AVEN: variants seen among roughly 807,000 people sequenced by gnomAD.
The protein encoded by AVEN is cell death regulator Aven.
Under a neutral mutation model 38.1 loss-of-function variants are expected in AVEN, and 41 were observed. The observed-to-expected ratio is 1.08, with a 90% CI of 0.84 to 1.40. AVEN has a LOEUF of 1.40. AVEN is among the 40% of genes most tolerant of loss of function. AVEN has a pLI of 0.00. For missense variants in AVEN, 605 were observed against 438.8 expected, an observed-to-expected ratio of 1.38 and a Z score of -3.38; for synonymous variants, 206 against 171.8, an observed-to-expected ratio of 1.20 and a Z score of -1.56.
rs144031292 is a variant in AVEN, at chr15:33,914,330, G to A, written c.446-38335C>T. ...CTGTGATTAAAACAGTGTGTAGCAC[G>A]TATGCGCACAGATGCCAAAGAAGTA... On this transcript the variant is annotated intron_variant, in intron 2 of 5. Transcript: ENST00000306730. Among the ~76,000 whole-genome samples the A allele has an allele frequency of 8.3e-4, 126 of 152,234 alleles. 1 individual carries two copies. Among genetic ancestry groups the A allele is most frequent in the African/African-American group, 2.8e-3 (115 of 41,540 alleles).
At chr15:33,993,275 T>C (rs1371312214) in intron 2 of AVEN, among the ~76,000 whole-genome samples, 1 of 152,256 alleles carries the variant, frequency 6.6e-6, no homozygotes, top group East Asian at 1.9e-4. Context: ...AGAATACTGT[T>C]CAAAAAGAAA....
chr15:33,981,916 C>A (rs911478771), intron 2 of AVEN, among the ~76,000 whole-genome samples: 2 of 152,094 alleles, frequency 1.3e-5, no homozygotes, highest in African/African-American at 4.8e-5. Context: ...CTCACTCCAA[C>A]CTCAGCTCAC....
At chr15:33,906,333 G>C (rs753603591) in intron 2 of AVEN, among the ~76,000 whole-genome samples, 3 of 152,176 alleles carry the variant, frequency 2.0e-5, no homozygotes, top group African/African-American at 7.2e-5. Context: ...CAACCACCTA[G>C]TTTTAGAGAT....
intron 5 of AVEN, among the ~76,000 whole-genome samples, chr15:34,061,384 A>G (rs1050791212): frequency 2.9e-5 from 3 of 103,680 alleles, no homozygotes; most frequent in African/African-American, 1.0e-4. Flanking sequence ...TGAAAGTGGT[A>G]GCTCTAGATG....
chr15:34,045,727 C>T (rs777180930), intron 5 of AVEN, among the ~76,000 whole-genome samples: 5 of 51,272 alleles, frequency 9.8e-5, no homozygotes, highest in Admixed American at 2.7e-4. Context: ...TTTCAGAAAA[C>T]GAAGGCCTAA....
intron 2 of AVEN, among the ~76,000 whole-genome samples, chr15:33,914,763 T>C (rs754741594): frequency 6.6e-5 from 10 of 151,558 alleles, no homozygotes; most frequent in Non-Finnish European, 1.2e-4. Context: ...AACTCATGAT[T>C]TTTTTTTAAA....
Position 33,885,378 on chromosome 15 carries a change from A to G in AVEN, c.446-9383T>C, listed in dbSNP as rs115891150. Among the ~76,000 whole-genome samples the G allele has an allele frequency of 3.6e-3, 549 of 152,296 alleles. 3 individuals carry two copies. The highest frequency in any genetic ancestry group is 0.016 in the South Asian group (77 of 4,830). On this transcript the variant is annotated intron_variant, in intron 2 of 5. Coordinates refer to ENST00000306730, the MANE Select transcript of AVEN (RefSeq NM_020371.3). ...TCCACAGCTCAGCCTACAGGACATA[A>G]AAATTCTTCACCACTTCCAATTTCT...
chr15:34,073,345 G>A (rs1354474808), intron 1 of AVEN, among the ~76,000 whole-genome samples: 1 of 150,094 alleles, frequency 6.7e-6, no homozygotes, highest in South Asian at 2.1e-4. Flanking sequence ...GTGAGCCACC[G>A]CGCCCGGCCT....
chr15:34,006,087 A>G (rs1459335296), intron 1 of AVEN, among the ~76,000 whole-genome samples: 2 of 152,194 alleles, frequency 1.3e-5, no homozygotes, highest in Non-Finnish European at 2.9e-5. Flanking sequence ...CGAGGAGGGC[A>G]GATCACAAGG....
intron 2 of AVEN, among the ~76,000 whole-genome samples, chr15:33,946,525 C>T (rs1222288835): frequency 6.6e-6 from 1 of 152,176 alleles, no homozygotes; most frequent in African/African-American, 2.4e-5. Flanking sequence ...CTTAGTCCTG[C>T]CCTCATGGAA....
At chr15:33,996,873 A>T (rs1381513535) in intron 2 of AVEN, among the ~76,000 whole-genome samples, 1 of 152,230 alleles carries the variant, frequency 6.6e-6, no homozygotes, top group African/African-American at 2.4e-5. Context: ...AGCTGACAGA[A>T]GTAGGCTTCG....
At chr15:33,925,212 A>C (rs1048290377) in intron 2 of AVEN, among the ~76,000 whole-genome samples, 2 of 152,202 alleles carry the variant, frequency 1.3e-5, no homozygotes, top group Admixed American at 6.5e-5. Flanking sequence ...TACAAGAAAA[A>C]GTACCACTTT....
chr15:34,002,449 G>A (rs1288488499), intron 2 of AVEN, among the ~76,000 whole-genome samples: 1 of 151,888 alleles, frequency 6.6e-6, no homozygotes, highest in Non-Finnish European at 1.5e-5. Flanking sequence ...ATTCTTCCCT[G>A]TTACTGCTCT....
intron 2 of AVEN, among the ~76,000 whole-genome samples, chr15:33,938,829 TCTTC>T (rs1300527211): frequency 6.6e-6 from 1 of 152,170 alleles, no homozygotes; most frequent in East Asian, 1.9e-4. Flanking sequence ...CCTATTTCTT[TCTTC>T]CTTTTTTTTT....
At chr15:33,865,030 A>G, downstream of AVEN, 1 of 792,180 alleles carries the variant, frequency 1.3e-6, no homozygotes, top group Admixed American at 2.3e-5. Flanking sequence ...ATATAAATTC[A>G]CATCAGTCTT....
intron 2 of AVEN, among the ~76,000 whole-genome samples, chr15:33,949,167 G>T (rs1894626751): frequency 6.6e-6 from 1 of 152,060 alleles, no homozygotes; most frequent in South Asian, 2.1e-4. Flanking sequence ...GGGACTACAG[G>T]CACCCGCCAC....
chr15:33,876,982 A>G (rs1891259321), intron 2 of AVEN, among the ~76,000 whole-genome samples: 1 of 152,250 alleles, frequency 6.6e-6, no homozygotes, highest in Non-Finnish European at 1.5e-5. Context: ...AAACTGTAGA[A>G]TTAGAATACA....
At chr15:33,960,213 T>A (rs1463173171) in intron 2 of AVEN, among the ~76,000 whole-genome samples, 1 of 152,150 alleles carries the variant, frequency 6.6e-6, no homozygotes, top group African/African-American at 2.4e-5. Context: ...CTTTTGGAGA[T>A]TTAAGCATGA....
chr15:34,000,193 C>T (rs1005323973), intron 2 of AVEN, among the ~76,000 whole-genome samples: 5 of 152,180 alleles, frequency 3.3e-5, no homozygotes, highest in Admixed American at 3.3e-4. Flanking sequence ...ACAGCCCTTC[C>T]TCATTTTATT....
Sources: allele counts gnomAD v4.1 joint callset (sites outside exome capture counted in the v4.1 genomes callset), GRCh38; gene constraint gnomAD v4.1.1; transcripts MANE v1.5; gene names NCBI Gene and HGNC (gene_info 2026-07-23, HGNC 2026-07-21).